DPP10: variants seen among roughly 807,000 people sequenced by gnomAD.
The protein encoded by DPP10 is dipeptidyl peptidase like 10.
DPP10 carries 33 observed loss-of-function variants against 120.9 expected under a neutral mutation model. The ratio of observed to expected loss-of-function variants is 0.27; its 90% CI spans 0.21 to 0.37. DPP10 has a LOEUF of 0.37. DPP10 is among the 10% of genes least tolerant of loss of function. The probability of loss-of-function intolerance (pLI) is 1.00; values close to 1 mark genes in which losing one functional copy is unlikely to be tolerated. For missense variants in DPP10, 816 were observed against 942.8 expected (o/e 0.87, Z 1.76); for synonymous variants, 337 against 326.1 (o/e 1.03, Z -0.36).
intron 3 of DPP10, chr2:115,468,520 T>C: frequency 4.6e-6 from 2 of 435,170 alleles, no homozygotes. Flanking sequence ...CTGTGCTATG[T>C]GGACATTGCC....
chr2:115,355,111 T>G (rs1045643687), intron 3 of DPP10, among the ~76,000 whole-genome samples: 2 of 152,222 alleles, frequency 1.3e-5, no homozygotes, highest in African/African-American at 2.4e-5. Context: ...TTCTAGATCC[T>G]TGAGGAATTG....
At chr2:115,231,343 T>C (rs2057725221) in intron 1 of DPP10, among the ~76,000 whole-genome samples, 1 of 152,142 alleles carries the variant, frequency 6.6e-6, no homozygotes, top group African/African-American at 2.4e-5. Flanking sequence ...TAAACATCTA[T>C]GTTTATCTTA....
chr2:114,682,770 GTCTATCTATCTATCTA>G lies in DPP10; in HGVS notation c.60+239961_60+239976del, dbSNP rs72471562. Among the ~76,000 whole-genome samples the G allele has an allele frequency of 4.4e-3, 653 of 149,598 alleles. 2 individuals carry two copies. The highest frequency in any genetic ancestry group is 0.014 in the African/African-American group (554 of 40,720). The stretch of plus-strand genomic sequence containing the variant: ...TATCTATCTATCTATCTATCTGTCT[GTCTATCTATCTATCTA>G]TCTATCTATCTATCTATCTATCTAT... On this transcript the variant is annotated intron_variant, in intron 1 of 25. Coordinates refer to ENST00000410059, the MANE Select transcript of DPP10 (RefSeq NM_020868.6).
intron 5 of DPP10, among the ~76,000 whole-genome samples, chr2:115,538,418 C>T (rs1024355747): frequency 6.6e-6 from 1 of 151,872 alleles, no homozygotes; most frequent in Non-Finnish European, 1.5e-5. Flanking sequence ...GTTCTATACA[C>T]TTTAATGAGT....
In DPP10 at chr2:115,156,103, CTCA is replaced by C. The variant is rs34432475; in HGVS notation, c.61-153133_61-153131del. On this transcript the variant is annotated intron_variant, in intron 1 of 25. Coordinates refer to ENST00000410059, the MANE Select transcript of DPP10 (RefSeq NM_020868.6). ...ACAAGGGATATACACTAGCAAGCAA[CTCA>C]TCGTGTCTAATAGATGAAACAGAAT... Among the ~76,000 whole-genome samples, 1,157 of 152,328 alleles carry C rather than the reference CTCA, an allele frequency of 7.6e-3. 11 individuals carry two copies. Among genetic ancestry groups the C allele is most frequent in the African/African-American group, 0.027 (1,115 of 41,570 alleles).
At chr2:115,149,490 A>G (rs2051414138) in intron 1 of DPP10, among the ~76,000 whole-genome samples, 1 of 152,162 alleles carries the variant, frequency 6.6e-6, no homozygotes, top group African/African-American at 2.4e-5. Context: ...AATGCACTGT[A>G]ATTTTTATCC....
At chr2:115,424,702 C>G (rs944640437) in intron 3 of DPP10, among the ~76,000 whole-genome samples, 1 of 152,044 alleles carries the variant, frequency 6.6e-6, no homozygotes, top group Non-Finnish European at 1.5e-5. Context: ...CATATGCACA[C>G]TCACTTGTAC....
chr2:114,509,980 G>T (rs1156914378), intron 1 of DPP10, among the ~76,000 whole-genome samples: 1 of 152,160 alleles, frequency 6.6e-6, no homozygotes, highest in South Asian at 2.1e-4. Context: ...TGAGTGAATC[G>T]TGGTGGGAAA....
In DPP10 at chr2:115,320,723, T is replaced by C. The variant is rs370760950; in HGVS notation, c.175+11370T>C. Among the ~76,000 whole-genome samples the C allele has an allele frequency of 5.3e-5, 8 of 152,216 alleles. No individual in the cohort carries two copies. The South Asian group carries it at 8.3e-4, about 16-fold the overall frequency. On this transcript the variant is annotated intron_variant, in intron 2 of 25. Transcript: ENST00000410059. ...ATTTTTCTTTTAAATCATGTTAATATAAGAAATATAAAGATGAGTCACAAG... is the reference window on the plus strand; with the variant it reads ...ATTTTTCTTTTAAATCATGTTAATACAAGAAATATAAAGATGAGTCACAAG...
chr2:114,944,520 A>C (rs1697204580), intron 1 of DPP10, among the ~76,000 whole-genome samples: 1 of 152,134 alleles, frequency 6.6e-6, no homozygotes, highest in African/African-American at 2.4e-5. Flanking sequence ...TTTGTGAATT[A>C]TATTTTTTCT....
chr2:114,702,253 G>A (rs996815329), intron 1 of DPP10, among the ~76,000 whole-genome samples: 1 of 152,092 alleles, frequency 6.6e-6, no homozygotes, highest in African/African-American at 2.4e-5. Context: ...AACCAGGGGG[G>A]CATGGTCAGA....
At chr2:114,569,172 C>A (rs1689431030) in intron 1 of DPP10, among the ~76,000 whole-genome samples, 1 of 152,168 alleles carries the variant, frequency 6.6e-6, no homozygotes, top group Admixed American at 6.5e-5. Flanking sequence ...CTGAGAAAGT[C>A]TCTTAGAGTC....
chr2:115,815,487 A>G (rs1048540258), intron 20 of DPP10, among the ~76,000 whole-genome samples, 188 bp from the exon 21 acceptor site: 7 of 152,204 alleles, frequency 4.6e-5, no homozygotes, highest in African/African-American at 1.4e-4. Flanking sequence ...AGGTGATACC[A>G]AACTACTAGG....
At chr2:115,787,278 T>C (rs144202036) in intron 17 of DPP10, among the ~76,000 whole-genome samples, 82 of 152,160 alleles carry the variant, frequency 5.4e-4, no homozygotes, top group African/African-American at 1.9e-3. Flanking sequence ...AGGAGAAAGA[T>C]TAGTGAATAG....
At chr2:115,603,306 G>A (rs1481704888) in intron 5 of DPP10, among the ~76,000 whole-genome samples, 1 of 151,622 alleles carries the variant, frequency 6.6e-6, no homozygotes, top group East Asian at 1.9e-4. Context: ...TTGTGACTTG[G>A]AACAGGTGGG....
intron 3 of DPP10, among the ~76,000 whole-genome samples, chr2:115,368,952 C>T (rs902951264): frequency 1.1e-4 from 16 of 151,754 alleles, no homozygotes; most frequent in Non-Finnish European, 1.0e-4. Context: ...TTGCTATCTG[C>T]GCTTTATTTT....
intron 1 of DPP10, among the ~76,000 whole-genome samples, chr2:114,860,957 C>CT: frequency 6.6e-6 from 1 of 152,210 alleles, no homozygotes; most frequent in African/African-American, 2.4e-5. Flanking sequence ...AAATCTTTTT[C>CT]TTTTTTTATC....
At chr2:114,464,116 G>T (rs903023787) in intron 1 of DPP10, among the ~76,000 whole-genome samples, 1 of 152,170 alleles carries the variant, frequency 6.6e-6, no homozygotes, top group Non-Finnish European at 1.5e-5. Flanking sequence ...GCAGGTTTTT[G>T]TGTGGACATA....
At chr2:115,514,925 C>T (rs1263244423) in intron 4 of DPP10, among the ~76,000 whole-genome samples, 1 of 151,730 alleles carries the variant, frequency 6.6e-6, no homozygotes, top group Non-Finnish European at 1.5e-5. Context: ...TGGATCTATA[C>T]ATAAACAATA....
Sources: gnomAD v4.1 joint callset for allele counts (sites outside exome capture counted in the v4.1 genomes callset) on GRCh38, gnomAD v4.1.1 for gene constraint, MANE v1.5 for transcripts, NCBI Gene and HGNC (gene_info 2026-07-23, HGNC 2026-07-21) for gene names.